KCNJ3: variants seen among roughly 807,000 people sequenced by gnomAD.
KCNJ3 encodes potassium inwardly rectifying channel subfamily J member 3.
KCNJ3 carries 4 observed loss-of-function variants against 39.2 expected under a neutral mutation model. The ratio of observed to expected loss-of-function variants is 0.10; its 90% CI spans 0.05 to 0.23. The LOEUF is 0.23. KCNJ3 is among the 10% of genes least tolerant of loss of function. The pLI, the probability that KCNJ3 is intolerant of heterozygous loss-of-function variation, is 1.00. For missense variants in KCNJ3, 276 were observed against 634.9 expected, an observed-to-expected ratio of 0.43 and a Z score of 6.08; for synonymous variants, 230 against 237.4, an observed-to-expected ratio of 0.97 and a Z score of 0.29.
intron 2 of KCNJ3, among the ~76,000 whole-genome samples, chr2:154,808,658 CA>C (rs1279254847): frequency 6.6e-6 from 1 of 151,944 alleles, no homozygotes; most frequent in Non-Finnish European, 1.5e-5. Context: ...GCATCATGAC[CA>C]AAAAATGCAT....
At chr2:154,751,383 A>G (rs1231184408) in intron 2 of KCNJ3, among the ~76,000 whole-genome samples, 1 of 152,008 alleles carries the variant, frequency 6.6e-6, no homozygotes, top group African/African-American at 2.4e-5. Flanking sequence ...TTCATTTTTG[A>G]ACCAGGATAT....
At chr2:154,814,363 T>C (rs2652453) in intron 2 of KCNJ3, among the ~76,000 whole-genome samples, 70,487 of 151,910 alleles carry the variant, frequency 0.46, 17,456 homozygotes, top group Non-Finnish European at 0.56. Context: ...TTTGGCTGGG[T>C]GCAGTGGCTT....
intron 2 of KCNJ3, among the ~76,000 whole-genome samples, chr2:154,712,206 G>T (rs935783562): frequency 1.3e-5 from 2 of 152,026 alleles, no homozygotes; most frequent in Non-Finnish European, 2.9e-5. Flanking sequence ...CCCTGAGCCT[G>T]GTAAAAATAA....
At chr2:154,703,141 A>T (rs528345585) in intron 1 of KCNJ3, among the ~76,000 whole-genome samples, 2 of 101,264 alleles carry the variant, frequency 2.0e-5, no homozygotes, top group East Asian at 4.6e-4. Context: ...CTATTCTTTG[A>T]TAACTGTTCG....
At chr2:154,711,648 G>A (rs1330878294) in intron 2 of KCNJ3, among the ~76,000 whole-genome samples, 3 of 151,846 alleles carry the variant, frequency 2.0e-5, no homozygotes, top group African/African-American at 4.8e-5. Context: ...AATTAGGCCG[G>A]GTATTTTGTA....
chr2:154,756,777 A>T (rs1468166160), intron 2 of KCNJ3, among the ~76,000 whole-genome samples: 2 of 152,016 alleles, frequency 1.3e-5, no homozygotes, highest in Admixed American at 6.6e-5. Flanking sequence ...AAATAAAATA[A>T]AATAAAAATT....
intron 2 of KCNJ3, among the ~76,000 whole-genome samples, chr2:154,847,579 T>C (rs1484443360): frequency 8.0e-6 from 1 of 125,768 alleles, no homozygotes; most frequent in Non-Finnish European, 1.8e-5. Context: ...TTTGGTTAAA[T>C]TTTCAGGATT....
chr2:154,718,460 T>A lies in KCNJ3; in HGVS notation c.919+8641T>A, dbSNP rs114429451. Among the ~76,000 whole-genome samples the A allele has an allele frequency of 3.4e-3, 523 of 152,288 alleles. 3 individuals are homozygous for A. The highest frequency in any genetic ancestry group is 0.012 in the African/African-American group (510 of 41,556). On this transcript the variant is annotated intron_variant, in intron 2 of 2. Coordinates refer to ENST00000295101, the MANE Select transcript of KCNJ3 (RefSeq NM_002239.4). ...TAGTTTGCCTGAGGCTGAAAGGTTT[T>A]CCAGAACATGTGAAATTCAGTGCTA...
chr2:154,707,191 C>A (rs1685025379), intron 1 of KCNJ3, among the ~76,000 whole-genome samples: 1 of 149,590 alleles, frequency 6.7e-6, no homozygotes. Flanking sequence ...GCATGTTTCC[C>A]AAAGTGTCGT....
intron 2 of KCNJ3, among the ~76,000 whole-genome samples, chr2:154,740,919 G>A (rs1685643093): frequency 6.6e-6 from 1 of 151,902 alleles, no homozygotes; most frequent in Middle Eastern, 3.2e-3. Context: ...TTCCTTGAGT[G>A]TTTGTACTGG....
intron 2 of KCNJ3, among the ~76,000 whole-genome samples, chr2:154,825,875 G>GC (rs1553461244): frequency 1.5e-5 from 2 of 134,462 alleles, no homozygotes; most frequent in Admixed American, 7.5e-5. Flanking sequence ...CACTGCACCT[G>GC]TTTTTTTTTT....
chr2:154,733,324 T>G (rs925285403), intron 2 of KCNJ3, among the ~76,000 whole-genome samples: 1 of 152,252 alleles, frequency 6.6e-6, no homozygotes, highest in Admixed American at 6.5e-5. Flanking sequence ...AAAATTAGCC[T>G]GCAGTGTTTT....
chr2:154,742,902 A>G (rs7562203), intron 2 of KCNJ3, among the ~76,000 whole-genome samples: 95,073 of 151,588 alleles, frequency 0.63, 31,221 homozygotes, highest in African/African-American at 0.83. Context: ...CTTTTATTTT[A>G]GTTATCTTTA....
At chr2:154,803,582 G>A (rs1686858949) in intron 2 of KCNJ3, among the ~76,000 whole-genome samples, 1 of 151,620 alleles carries the variant, frequency 6.6e-6, no homozygotes, top group East Asian at 1.9e-4. Context: ...GTATAATGAA[G>A]CTTAAACCAA....
chr2:154,851,654 G>T (rs1470614269), intron 2 of KCNJ3, among the ~76,000 whole-genome samples: 2 of 152,140 alleles, frequency 1.3e-5, no homozygotes, highest in Non-Finnish European at 2.9e-5. Flanking sequence ...AATTTGCTGT[G>T]AAAATAAGTA....
In KCNJ3 at chr2:154,699,279, G is replaced by A; in HGVS notation, c.504G>A (p.Leu168=). 5.0e-6 allele frequency: 8 copies of A among 1,613,984 alleles called. No homozygotes were observed. The highest frequency in any genetic ancestry group is 6.8e-6 in the Non-Finnish European group (8 of 1,180,020). Residue 168 remains leucine, a synonymous_variant, in exon 1 of 3, where the codon CTG becomes CTA. Coordinates refer to ENST00000295101, the MANE Select transcript of KCNJ3 (RefSeq NM_002239.4). This position sits in a 1 kb window ranked among gnomAD's most constrained non-coding sequence, Gnocchi z 6.4. ...GIILFLFQSI[L]GSIVDAFLIG... The stretch of plus-strand genomic sequence containing the variant: ...TCCTCTTCCTCTTCCAGTCCATCCT[G>A]GGCTCCATCGTGGACGCCTTCCTCA...
chr2:154,851,846 A>G (rs2652419), intron 2 of KCNJ3, among the ~76,000 whole-genome samples: 107,120 of 152,004 alleles, frequency 0.7, 39,529 homozygotes, highest in East Asian at 0.94. Context: ...TTTTCCCAAT[A>G]TTAAAATTTT....
chr2:154,779,785 G>A (rs1471112916), intron 2 of KCNJ3, among the ~76,000 whole-genome samples: 2 of 151,812 alleles, frequency 1.3e-5, no homozygotes, highest in African/African-American at 2.4e-5. Flanking sequence ...CTCCTGATCC[G>A]CCCACCTTGG....
In KCNJ3 at chr2:154,840,951, C is replaced by T. The variant is rs144921059; in HGVS notation, c.920-13776C>T. 9.3e-4 allele frequency among the ~76,000 whole-genome samples: 142 copies of T among 152,228 alleles called. 3 individuals carry two copies. The East Asian group carries it at 0.026, about 28-fold the overall frequency. The stretch of plus-strand genomic sequence containing the variant: ...TCTTTGTCTTTCCTGATTGCCCTGG[C>T]CAGAACTTCCAACCCTATGTTGAAC... On this transcript the variant is annotated intron_variant, in intron 2 of 2. Transcript: ENST00000295101.
Sources: gnomAD v4.1 joint callset for allele counts (sites outside exome capture counted in the v4.1 genomes callset) on GRCh38, gnomAD v4.1.1 for gene constraint, Gnocchi (gnomAD v3.1) non-coding constraint, MANE v1.5 for transcripts, NCBI Gene and HGNC (gene_info 2026-07-23, HGNC 2026-07-21) for gene names.